Variants in SNTB2 observed in about 807,000 individuals in gnomAD.
The protein encoded by SNTB2 is syntrophin beta 2.
In SNTB2, 34 loss-of-function variants were observed where a neutral mutation model predicts 46.2. The ratio of observed to expected loss-of-function variants is 0.74; its 90% CI spans 0.56 to 0.98. The LOEUF (loss-of-function observed/expected upper bound fraction) is 0.98, where lower values mean the gene tolerates loss of function less well. SNTB2 is among the 50% of genes least tolerant of loss of function. The probability of loss-of-function intolerance (pLI) is 0.00; values close to 1 mark genes in which losing one functional copy is unlikely to be tolerated. For synonymous variants in SNTB2, 290 were observed against 312.6 expected, an observed-to-expected ratio of 0.93 and a Z score of 0.76; for missense variants, 603 against 731.4, an observed-to-expected ratio of 0.82 and a Z score of 2.02.
At chr16:69,235,621 G>A in intron 1 of SNTB2, 1 of 1,158,956 alleles carries the variant, frequency 8.6e-7, no homozygotes, top group South Asian at 1.6e-5. Flanking sequence ...AAGGAAGAAA[G>A]GCGGGAAGTG....
intron 1 of SNTB2, among the ~76,000 whole-genome samples, chr16:69,194,642 C>T (rs1001645779): frequency 2.0e-5 from 3 of 152,118 alleles, no homozygotes; most frequent in Admixed American, 6.5e-5. Context: ...AAATACTGGG[C>T]CTTACTCATC....
At chr16:69,283,388 C>G (rs1965069383) in intron 4 of SNTB2, among the ~76,000 whole-genome samples, 1 of 152,112 alleles carries the variant, frequency 6.6e-6, no homozygotes, top group Non-Finnish European at 1.5e-5. Context: ...CCAAATAATT[C>G]TAGAGTCAAA....
At chr16:69,295,631 C>G (rs1326235333) in intron 5 of SNTB2, among the ~76,000 whole-genome samples, 2 of 151,286 alleles carry the variant, frequency 1.3e-5, no homozygotes, top group African/African-American at 2.4e-5. Flanking sequence ...CTAAGTGAAC[C>G]AAGACATAAT....
intron 1 of SNTB2, among the ~76,000 whole-genome samples, chr16:69,239,202 A>T (rs1964587082): frequency 6.6e-6 from 1 of 152,178 alleles, no homozygotes; most frequent in Non-Finnish European, 1.5e-5. Context: ...TTAATGGCTT[A>T]CCCTAACTAC....
chr16:69,298,741 C>CGA (rs1555501478), intron 5 of SNTB2, among the ~76,000 whole-genome samples: 7 of 151,982 alleles, frequency 4.6e-5, no homozygotes, highest in African/African-American at 1.5e-4. Flanking sequence ...AGGCTAGTCT[C>CGA]TAACTCCTGA....
Position 69,304,094 on chromosome 16 carries a change from T to G in SNTB2, c.*3170T>G, listed in dbSNP as rs1597207600. On this transcript the variant is annotated 3_prime_UTR_variant, in exon 7 of 7. Transcript: ENST00000336278. ...AGTCTCCCACCTTTTCTCCTAAAAC[T>G]TCTCTCCTTTCTCTCCATAAAAAGA... is the stretch of plus-strand genomic sequence containing the variant. 6.6e-6 allele frequency: 1 copy of G among 152,254 alleles called. No homozygotes were observed. Among genetic ancestry groups the G allele is most frequent in the Non-Finnish European group, 1.5e-5 (1 of 68,018 alleles). The allele number at this position is 152,254 out of a possible 1,614,324, so 9.4% of individuals were successfully genotyped here.
At chr16:69,214,336 CAG>C (rs1309160530) in intron 1 of SNTB2, among the ~76,000 whole-genome samples, 1 of 148,016 alleles carries the variant, frequency 6.8e-6, no homozygotes, top group Non-Finnish European at 1.5e-5. Flanking sequence ...TCCATATAGA[CAG>C]AGTTTCACCA....
At chr16:69,292,435 T>TTATATA (rs1185185153) in intron 5 of SNTB2, among the ~76,000 whole-genome samples, 1 of 10,496 alleles carries the variant, frequency 9.5e-5, no homozygotes, top group East Asian at 1.5e-3. Context: ...TATATATATA[T>TTATATA]TATATATATA....
chr16:69,191,569 A>G (rs1964054913), intron 1 of SNTB2, among the ~76,000 whole-genome samples: 1 of 142,752 alleles, frequency 7.0e-6, no homozygotes, highest in African/African-American at 2.6e-5. Flanking sequence ...AAAAAAAAAA[A>G]AAAAAAAAAG....
At chr16:69,248,878 TTTTTTTTTTA>T (rs1484486412) in intron 2 of SNTB2, among the ~76,000 whole-genome samples, 1 of 151,152 alleles carries the variant, frequency 6.6e-6, no homozygotes, top group Non-Finnish European at 1.5e-5. Flanking sequence ...GCTTTTTTTT[TTTTTTTTTTA>T]AAGTTAGGGG....
chr16:69,274,485 C>T (rs1964967972), intron 4 of SNTB2, among the ~76,000 whole-genome samples: 7 of 151,820 alleles, frequency 4.6e-5, no homozygotes, highest in Admixed American at 4.6e-4. Flanking sequence ...AACCCCGTCT[C>T]TACTAAAACT....
At position 69,305,831 on chromosome 16, in the gene SNTB2, G is replaced by GC. The variant is rs1223961719; in HGVS notation, c.*4912dup. On this transcript the variant is annotated 3_prime_UTR_variant, in exon 7 of 7. Coordinates refer to ENST00000336278, the MANE Select transcript of SNTB2 (RefSeq NM_006750.4). ...CCATCTCCTGCTGTTCTTTCTCTGT[G>GC]CCCCCTAATTGCTTGGTAATCTAAA... is the stretch of plus-strand genomic sequence containing the variant. 2 of 149,906 alleles carry GC rather than the reference G, an allele frequency of 1.3e-5. No homozygotes were observed. Among genetic ancestry groups the GC allele is most frequent in the African/African-American group, 4.9e-5 (2 of 40,622 alleles). 9.3% of individuals were successfully genotyped at this position (149,906 alleles called of 1,614,324 possible).
At chr16:69,280,467 C>T (rs1202564723) in intron 4 of SNTB2, among the ~76,000 whole-genome samples, 4 of 149,238 alleles carry the variant, frequency 2.7e-5, no homozygotes, top group African/African-American at 9.9e-5. Flanking sequence ...ACCTCCCGGA[C>T]GGGGCGGCTG....
intron 5 of SNTB2, among the ~76,000 whole-genome samples, chr16:69,292,434 AT>A (rs1235898508): frequency 0.031 from 463 of 15,040 alleles, 81 homozygotes; most frequent in African/African-American, 0.067. Flanking sequence ...ATATATATAT[AT>A]TATATATATA....
chr16:69,276,313 G>C (rs1964984763), intron 4 of SNTB2, among the ~76,000 whole-genome samples: 1 of 152,156 alleles, frequency 6.6e-6, no homozygotes, highest in Non-Finnish European at 1.5e-5. Context: ...AACTCATCTG[G>C]CCTCTCCACA....
At chr16:69,269,679 ATACT>A (rs1964920537) in intron 3 of SNTB2, among the ~76,000 whole-genome samples, 1 of 152,254 alleles carries the variant, frequency 6.6e-6, no homozygotes, top group African/African-American at 2.4e-5. Context: ...TAGATTATAC[ATACT>A]TATTTGGTAG....
intron 1 of SNTB2, among the ~76,000 whole-genome samples, chr16:69,206,774 A>AT (rs978550028): frequency 6.7e-6 from 1 of 149,522 alleles, no homozygotes; most frequent in Admixed American, 6.7e-5. Context: ...TTATATACTT[A>AT]TTTTTTTTGA....
intron 4 of SNTB2, among the ~76,000 whole-genome samples, chr16:69,278,914 G>GTC (rs1222546558): frequency 6.6e-6 from 1 of 151,678 alleles, no homozygotes; most frequent in Admixed American, 6.6e-5. Context: ...GTGTGTGTGT[G>GTC]TGTGTGTGTG....
chr16:69,211,706 G>T (rs979162684), intron 1 of SNTB2, among the ~76,000 whole-genome samples: 1 of 152,186 alleles, frequency 6.6e-6, no homozygotes, highest in East Asian at 1.9e-4. Flanking sequence ...CACAGAAAAT[G>T]CCTTTACTAG....
Sources: gnomAD v4.1 joint callset for allele counts (sites outside exome capture counted in the v4.1 genomes callset) on GRCh38, gnomAD v4.1.1 for gene constraint, MANE v1.5 for transcripts, NCBI Gene and HGNC (gene_info 2026-07-23, HGNC 2026-07-21) for gene names.